Variants in OC90 observed in about 807,000 individuals in gnomAD.
OC90 encodes otoconin-90.
Under a neutral mutation model 47.3 loss-of-function variants are expected in OC90, and 46 were observed. That is an observed-to-expected ratio of 0.97 (90% CI 0.77 to 1.24). The LOEUF (loss-of-function observed/expected upper bound fraction) is 1.24, where lower values mean the gene tolerates loss of function less well. Among genes scored for constraint, OC90 ranks in the 50% most tolerant of loss-of-function variants. The probability of loss-of-function intolerance (pLI) is 0.00; values close to 1 mark genes in which losing one functional copy is unlikely to be tolerated. For synonymous variants in OC90, 271 were observed against 219.5 expected (o/e 1.23, Z -2.07); for missense variants, 688 against 583.9 (o/e 1.18, Z -1.84).
Position 132,029,196 on chromosome 8 carries a change from C to A in OC90, c.1032-17G>T, listed in dbSNP as rs1418629952. 1 of 1,592,322 alleles carries A rather than the reference C, an allele frequency of 6.3e-7. No individual in the cohort carries two copies. Among genetic ancestry groups the A allele is most frequent in the East Asian group, 2.2e-5 (1 of 44,762 alleles). ...AAGCAGCACCTAAGACCAAGGAAAACCCTTTACTTCTCAGAGCTCCTGGCT... is the reference window on the plus strand; with the variant it reads ...AAGCAGCACCTAAGACCAAGGAAAAACCTTTACTTCTCAGAGCTCCTGGCT... On this transcript the variant is annotated splice_polypyrimidine_tract_variant and intron_variant, in intron 12 of 13. Coordinates refer to ENST00000254627, the MANE Select transcript of OC90 (RefSeq NM_001080399.3).
chr8:132,032,621 G>C (rs1360657005), intron 11 of OC90, among the ~76,000 whole-genome samples: 2 of 152,200 alleles, frequency 1.3e-5, no homozygotes, highest in Admixed American at 6.5e-5. Context: ...CCCCTCCTCT[G>C]TATGCCCAAC....
Position 132,024,642 on chromosome 8 carries a change from A to G in OC90, c.1273T>C (p.Cys425Arg). ...RLGCPGQPAA[C>R]EDSLHPVPAA... ...GGCACAGGGTGCAGGCTGTCTTCAC[A>G]GGCTGCTGGCTGCCCAGGGCACCCG... Residue 425 changes from cysteine (C) to arginine (R), a missense_variant, in exon 14 of 14, where the codon TGT becomes CGT. Transcript: ENST00000254627. 6.2e-7 allele frequency: 1 copy of G among 1,613,170 alleles called. No homozygotes were observed. Among genetic ancestry groups the G allele is most frequent in the Non-Finnish European group, 8.5e-7 (1 of 1,179,654 alleles).
At chr8:132,029,269 T>C (rs528756239) in intron 12 of OC90, 90 bp from the exon 13 acceptor site, 50 of 985,802 alleles carry the variant, frequency 5.1e-5, no homozygotes, top group Middle Eastern at 2.1e-4. Context: ...ACATACCCTA[T>C]AGTAGTGAGG....
intron 13 of OC90, among the ~76,000 whole-genome samples, chr8:132,025,550 C>A (rs1822743858): frequency 6.6e-6 from 1 of 152,078 alleles, no homozygotes; most frequent in Non-Finnish European, 1.5e-5. Context: ...AGTCATTGTG[C>A]ATGCAGTGAT....
At position 132,029,080 on chromosome 8, in the gene OC90, C is replaced by CGTA; in HGVS notation, c.1128_1130dup (p.Thr377dup). On this transcript the variant is annotated inframe_insertion, in exon 13 of 14. Coordinates refer to ENST00000254627, the MANE Select transcript of OC90 (RefSeq NM_001080399.3). ...GCAACCAACAGCACTTACACTTGGG[C>CGTA]GTATGATCCACACACACCACCGGTG... 1 of 1,608,622 alleles carries CGTA rather than the reference C, an allele frequency of 6.2e-7. No homozygotes were observed. Among genetic ancestry groups the CGTA allele is most frequent in the Non-Finnish European group, 8.5e-7 (1 of 1,174,982 alleles).
chr8:132,037,488 A>G lies in OC90; in HGVS notation c.629T>C (p.Val210Ala), dbSNP rs201588881. The change falls in exon 9 of 14, where the codon GTG (valine) becomes GCG (alanine). Residue 210 changes from valine (V) to alanine (A), a missense_variant and splice_region_variant. Val to Ala is a moderately conservative substitution (Grantham distance 64). Coordinates refer to ENST00000254627, the MANE Select transcript of OC90 (RefSeq NM_001080399.3). The part of the protein sequence containing the change: ...KEDLTTLLPR[V>A]VPVEPTDTSL... The stretch of plus-strand genomic sequence containing the variant: ...GGTGTCTGTGGGCTCCACAGGAACC[A>G]CTGGAAAAAGAGAGTTCCCAATAGC... 24 of 1,576,476 alleles carry G rather than the reference A, an allele frequency of 1.5e-5. No homozygotes were observed. In the Admixed American group the frequency reaches 2.9e-4, roughly 19 times the overall value.
At position 132,024,321 on chromosome 8, in the gene OC90, T is replaced by C; in HGVS notation, c.*160A>G. 1 of 578,226 alleles carries C rather than the reference T, an allele frequency of 1.7e-6. No individual in the cohort carries two copies. Among genetic ancestry groups the C allele is most frequent in the Non-Finnish European group, 3.0e-6 (1 of 335,720 alleles). 35.8% of individuals were successfully genotyped at this position (578,226 alleles called of 1,614,324 possible). On this transcript the variant is annotated 3_prime_UTR_variant, in exon 14 of 14. Coordinates refer to ENST00000254627, the MANE Select transcript of OC90 (RefSeq NM_001080399.3). Reference sequence around the variant, plus strand: ...CATTGGCTTGTGAGGTGACCACAGCTGATGAGGCATGGGCAGGGCTCACGG... The same window carrying C: ...CATTGGCTTGTGAGGTGACCACAGCCGATGAGGCATGGGCAGGGCTCACGG...
chr8:132,041,976 G>C lies in OC90; in HGVS notation c.170-277C>G, dbSNP rs768332623. ...TTAGGGTATTTCATAATCACTCTCA[G>C]CTGGTCATGGTAATCCCATGTTACC... On this transcript the variant is annotated intron_variant, in intron 4 of 13. Coordinates refer to ENST00000254627, the MANE Select transcript of OC90 (RefSeq NM_001080399.3). Among the ~76,000 whole-genome samples the C allele has an allele frequency of 1.4e-4, 22 of 152,144 alleles. 1 individual carries two copies. The highest frequency in any genetic ancestry group is 1.4e-3 in the Admixed American group (21 of 15,274).
chr8:132,044,283 C>G (rs1823100498), intron 4 of OC90, 150 bp downstream of exon 4: 2 of 618,636 alleles, frequency 3.2e-6, no homozygotes, highest in Non-Finnish European at 5.8e-6. Context: ...CACCACTACT[C>G]TCGTCGGAAC....
At chr8:132,040,743 G>A (rs1823039788) in intron 6 of OC90, among the ~76,000 whole-genome samples, 2 of 152,214 alleles carry the variant, frequency 1.3e-5, no homozygotes, top group Admixed American at 6.5e-5. Context: ...GCTACACAAT[G>A]TGTAAGTAGC....
intron 13 of OC90, among the ~76,000 whole-genome samples, chr8:132,025,603 T>G (rs552279110): frequency 1.3e-5 from 2 of 152,224 alleles, no homozygotes; most frequent in Non-Finnish European, 2.9e-5. Flanking sequence ...AGGAAAAGAT[T>G]GAGGGAAAAA....
chr8:132,041,011 G>A, intron 6 of OC90, 33 bp downstream of exon 6: 1 of 1,318,972 alleles, frequency 7.6e-7, no homozygotes, highest in Non-Finnish European at 1.1e-6. Context: ...TCATTTCTGG[G>A]CCCAGGCCCC....
At chr8:132,053,675 AG>A (rs1823246179) in intron 2 of OC90, among the ~76,000 whole-genome samples, 1 of 152,168 alleles carries the variant, frequency 6.6e-6, no homozygotes, top group African/African-American at 2.4e-5. Flanking sequence ...GCAGAGGACA[AG>A]GGGGAAATGG....
At chr8:132,056,651 G>C (rs955931417) in intron 1 of OC90, among the ~76,000 whole-genome samples, 1 of 152,130 alleles carries the variant, frequency 6.6e-6, no homozygotes, top group African/African-American at 2.4e-5. Flanking sequence ...AGTTCTGAAT[G>C]ATTCCTTCTC....
intron 1 of OC90, among the ~76,000 whole-genome samples, chr8:132,056,285 G>A (rs938109602): frequency 6.6e-6 from 1 of 152,170 alleles, no homozygotes. Context: ...TGGTGGTCTT[G>A]CATATGTACC....
intron 6 of OC90, among the ~76,000 whole-genome samples, chr8:132,040,561 T>C (rs1375497992): frequency 3.9e-5 from 6 of 152,192 alleles, no homozygotes; most frequent in Admixed American, 3.9e-4. Flanking sequence ...CCGCACGCCT[T>C]ATTCACGTAT....
intron 2 of OC90, among the ~76,000 whole-genome samples, chr8:132,047,899 T>C (rs1346579738): frequency 6.6e-6 from 1 of 152,212 alleles, no homozygotes; most frequent in Non-Finnish European, 1.5e-5. Context: ...CTCAAGGTGA[T>C]GGTATTAGAA....
At chr8:132,054,633 C>T (rs977659975) in intron 2 of OC90, among the ~76,000 whole-genome samples, 18 of 152,124 alleles carry the variant, frequency 1.2e-4, no homozygotes, top group Admixed American at 9.8e-4. Context: ...TAAATGGATA[C>T]GATTGCACGT....
chr8:132,035,774 T>C (rs1219160257), intron 9 of OC90, among the ~76,000 whole-genome samples: 1 of 152,146 alleles, frequency 6.6e-6, no homozygotes, highest in Admixed American at 6.6e-5. Context: ...TGAACTACCC[T>C]GGGCAAATGA....
Sources: allele counts gnomAD v4.1 joint callset (sites outside exome capture counted in the v4.1 genomes callset), GRCh38; gene constraint gnomAD v4.1.1; transcripts MANE v1.5; gene names NCBI Gene and HGNC (gene_info 2026-07-23, HGNC 2026-07-21).